The following NHLRC2 variants were observed in gnomAD, a reference collection of about 807,000 sequenced individuals.
NHLRC2 encodes the protein NHL repeat-containing protein 2.
In NHLRC2, 33 loss-of-function variants were observed where a neutral mutation model predicts 68.1. The observed-to-expected ratio is 0.48, with a 90% confidence interval of 0.37 to 0.65. The LOEUF is 0.65. Among genes scored for constraint, NHLRC2 ranks in the 30% least tolerant of loss-of-function variants. NHLRC2 has a pLI of 0.00. For missense variants in NHLRC2, 761 were observed against 853.8 expected (o/e 0.89, Z 1.35); for synonymous variants, 311 against 309.6 (o/e 1.00, Z -0.05).
chr10:113,915,609 C>A lies in NHLRC2; in HGVS notation c.*7073C>A. ...ATCAGCTCTCAGACTTAACTCTCCC[C>A]AATTAAAATAGTTTTTTTTTCCCTT... On this transcript the variant is annotated 3_prime_UTR_variant, in exon 11 of 11. Coordinates refer to ENST00000369301, the MANE Select transcript of NHLRC2 (RefSeq NM_198514.4). The A allele has an allele frequency of 4.5e-6, 1 of 222,652 alleles. No homozygotes were observed. The highest frequency in any genetic ancestry group is 8.9e-6 in the Non-Finnish European group (1 of 112,034). The allele number at this position is 222,652 out of a possible 1,614,324, so 13.8% of individuals were successfully genotyped here.
chr10:113,908,885 T>C lies in NHLRC2; in HGVS notation c.*349T>C, dbSNP rs1417089344. The stretch of plus-strand genomic sequence containing the variant: ...TAATAATAATACCAGATATTTTAAC[T>C]AACTTTTTCTACCTTTATTAATAGC... On this transcript the variant is annotated 3_prime_UTR_variant, in exon 11 of 11. Coordinates refer to ENST00000369301, the MANE Select transcript of NHLRC2 (RefSeq NM_198514.4). 2.2e-5 allele frequency: 4 copies of C among 183,504 alleles called. No individual in the cohort carries two copies. Among genetic ancestry groups the C allele is most frequent in the Non-Finnish European group, 4.6e-5 (4 of 87,680 alleles). 11.4% of individuals were successfully genotyped at this position (183,504 alleles called of 1,614,324 possible).
In NHLRC2 at chr10:113,908,585, C is replaced by G. The variant is rs779426986; in HGVS notation, c.*49C>G. The G allele has an allele frequency of 1.9e-6, 3 of 1,587,456 alleles. No individual in the cohort carries two copies. Among genetic ancestry groups the G allele is most frequent in the Non-Finnish European group, 2.6e-6 (3 of 1,159,470 alleles). The stretch of plus-strand genomic sequence containing the variant: ...TTGCCACCACCTACTGTCTCCCATC[C>G]TGACTATCACTGTAATTTAAGGAAA... On this transcript the variant is annotated 3_prime_UTR_variant, in exon 11 of 11. Transcript: ENST00000369301.
intron 4 of NHLRC2, among the ~76,000 whole-genome samples, chr10:113,881,545 T>C (rs1385391461): frequency 1.3e-5 from 2 of 151,726 alleles, no homozygotes; most frequent in Non-Finnish European, 3.0e-5. Flanking sequence ...TTAGAATAAT[T>C]TATTTAAATT....
At chr10:113,893,217 GA>G (rs1266040956) in intron 5 of NHLRC2, among the ~76,000 whole-genome samples, 3 of 152,138 alleles carry the variant, frequency 2.0e-5, no homozygotes, top group Non-Finnish European at 4.4e-5. Context: ...ATCACAGACA[GA>G]AATGCACTTG....
Position 113,908,788 on chromosome 10 carries a change from T to C in NHLRC2, c.*252T>C. ...GGTACCATGATATTGTAATCTATGC[T>C]GCTATTTGGCACAAGACTGAAGTTC... On this transcript the variant is annotated 3_prime_UTR_variant, in exon 11 of 11. Transcript: ENST00000369301. The C allele has an allele frequency of 2.1e-6, 1 of 484,716 alleles. No individual in the cohort carries two copies. Among genetic ancestry groups the C allele is most frequent in the Non-Finnish European group, 3.7e-6 (1 of 269,310 alleles). The allele number at this position is 484,716 out of a possible 1,614,324, so 30.0% of individuals were successfully genotyped here.
chr10:113,883,343 A>G (rs1484891666), intron 4 of NHLRC2, among the ~76,000 whole-genome samples: 1 of 151,840 alleles, frequency 6.6e-6, no homozygotes, highest in African/African-American at 2.4e-5. Context: ...GTATCTTGTC[A>G]TGCTTATAAT....
intron 1 of NHLRC2, among the ~76,000 whole-genome samples, chr10:113,856,966 G>C (rs1845766291): frequency 6.6e-6 from 1 of 152,078 alleles, no homozygotes; most frequent in South Asian, 2.1e-4. Flanking sequence ...CATTTTGTTG[G>C]TTGTGTGATT....
At chr10:113,879,506 GTTTGT>G (rs958111043) in intron 3 of NHLRC2, 63 bp from the exon 4 acceptor site, 64 of 1,334,734 alleles carry the variant, frequency 4.8e-5, no homozygotes, top group African/African-American at 1.4e-4. Context: ...TTAAATACAA[GTTTGT>G]TTTGTTTTGT....
Position 113,876,870 on chromosome 10 carries a change from C to T in NHLRC2, c.681C>T (p.Gly227=). The T allele has an allele frequency of 6.2e-7, 1 of 1,612,672 alleles. No homozygotes were observed. Among genetic ancestry groups the T allele is most frequent in the Non-Finnish European group, 8.5e-7 (1 of 1,179,016 alleles). Residue 227 remains glycine, a synonymous_variant, in exon 3 of 11, where the codon GGC becomes GGT. Coordinates refer to ENST00000369301, the MANE Select transcript of NHLRC2 (RefSeq NM_198514.4). ...SLPPSPLLFP[G]KVTVDQVTDR... ...CACCTTCACCATTGCTATTTCCTGG[C>T]AAAGTAACAGTAGACCAAGTTACTG...
At chr10:113,866,519 TG>T (rs1212320086) in intron 2 of NHLRC2, among the ~76,000 whole-genome samples, 10 of 152,148 alleles carry the variant, frequency 6.6e-5, no homozygotes, top group Admixed American at 6.5e-4. Context: ...GATTGCTAGG[TG>T]TATGTTAATG....
chr10:113,901,522 C>T, intron 6 of NHLRC2, 144 bp from the exon 7 acceptor site: 1 of 624,948 alleles, frequency 1.6e-6, no homozygotes, highest in Non-Finnish European at 2.9e-6. Context: ...CTGACTTGAA[C>T]AATTTAACTA....
intron 2 of NHLRC2, among the ~76,000 whole-genome samples, chr10:113,868,464 G>T (rs758399032): frequency 6.6e-6 from 1 of 152,164 alleles, no homozygotes; most frequent in Non-Finnish European, 1.5e-5. Context: ...AGAAACAAAT[G>T]GGAGTGGATA....
In NHLRC2 at chr10:113,915,269, C is replaced by G. The variant is rs769894845; in HGVS notation, c.*6733C>G. 4 of 456,018 alleles carry G rather than the reference C, an allele frequency of 8.8e-6. No individual in the cohort carries two copies. Among genetic ancestry groups the G allele is most frequent in the South Asian group, 6.2e-5 (4 of 64,490 alleles). The allele number at this position is 456,018 out of a possible 1,614,324, so 28.2% of individuals were successfully genotyped here. A position where few individuals can be genotyped will look rare whatever the true frequency, so the allele number is the denominator to read the frequency against. ...TTGCAAACATACTTCCCTACCTGTA[C>G]AAGCAGCCATATACTAAAAAGCACT... On this transcript the variant is annotated 3_prime_UTR_variant, in exon 11 of 11. Transcript: ENST00000369301.
chr10:113,872,369 G>A (rs1313465047), intron 2 of NHLRC2, among the ~76,000 whole-genome samples: 1 of 152,004 alleles, frequency 6.6e-6, no homozygotes, highest in Admixed American at 6.5e-5. Flanking sequence ...CTCAAACTAG[G>A]AACCCTATTC....
intron 1 of NHLRC2, 38 bp downstream of exon 1, chr10:113,855,088 A>G (rs527410349): frequency 9.2e-6 from 14 of 1,520,138 alleles, no homozygotes; most frequent in Non-Finnish European, 1.2e-5. Flanking sequence ...CCCTCCCGGC[A>G]CCTCCCCTTC....
intron 2 of NHLRC2, among the ~76,000 whole-genome samples, chr10:113,869,415 A>G (rs538250831): frequency 5.3e-5 from 8 of 152,226 alleles, no homozygotes; most frequent in African/African-American, 1.9e-4. Context: ...ATAACTTCCC[A>G]TTTTTCTTAG....
chr10:113,862,769 G>T (rs1318997104), intron 2 of NHLRC2, among the ~76,000 whole-genome samples: 3 of 152,228 alleles, frequency 2.0e-5, no homozygotes, highest in Non-Finnish European at 2.9e-5. Flanking sequence ...AAAGAGAGCT[G>T]GGATGGCTAT....
intron 2 of NHLRC2, among the ~76,000 whole-genome samples, chr10:113,862,300 T>C (rs1006251526): frequency 2.6e-5 from 4 of 151,376 alleles, no homozygotes; most frequent in Non-Finnish European, 4.4e-5. Flanking sequence ...GGGATGGAGG[T>C]GTTAAAGGAG....
In NHLRC2 at chr10:113,917,115, G is replaced by A. The variant is rs1846394439; in HGVS notation, c.*8579G>A. 1.3e-5 allele frequency: 2 copies of A among 152,136 alleles called. No homozygotes were observed. Among genetic ancestry groups the A allele is most frequent in the Non-Finnish European group, 2.9e-5 (2 of 68,006 alleles). 9.4% of individuals were successfully genotyped at this position (152,136 alleles called of 1,614,324 possible). On this transcript the variant is annotated 3_prime_UTR_variant, in exon 11 of 11. Transcript: ENST00000369301. Reference sequence around the variant, plus strand: ...TAGAAGGTGAGAATGTGTTTATACTGTATATGGAAACCTAATGCCTCTTTT... The same window carrying A: ...TAGAAGGTGAGAATGTGTTTATACTATATATGGAAACCTAATGCCTCTTTT...
Sources: gnomAD v4.1 joint callset for allele counts (sites outside exome capture counted in the v4.1 genomes callset) on GRCh38, gnomAD v4.1.1 for gene constraint, MANE v1.5 for transcripts, NCBI Gene and HGNC (gene_info 2026-07-23, HGNC 2026-07-21) for gene names.